The following CEP128 variants were observed in gnomAD, a reference collection of about 807,000 sequenced individuals.
CEP128 encodes centrosomal protein 128.
CEP128 carries 132 observed loss-of-function variants against 156.7 expected under a neutral mutation model. The ratio of observed to expected loss-of-function variants is 0.84; its 90% CI spans 0.73 to 0.97. CEP128 has a LOEUF of 0.97. Ranked by LOEUF, CEP128 falls within the 50% of genes least tolerant of loss-of-function variation. The probability of loss-of-function intolerance (pLI) is 0.00; values close to 1 mark genes in which losing one functional copy is unlikely to be tolerated. For missense variants in CEP128, 1,252 were observed against 1,281.9 expected (o/e 0.98, Z 0.36); for synonymous variants, 469 against 448.9 (o/e 1.04, Z -0.57).
rs58759716 is a variant in CEP128, at chr14:80,633,228, G to GAAACAAACAAAC, written c.2807-52817_2807-52806dup. On this transcript the variant is annotated intron_variant, in intron 19 of 24. Coordinates refer to ENST00000555265, the MANE Select transcript of CEP128 (RefSeq NM_152446.5). ...GGGTGCCAGAGTTAGACCCTGCCTA[G>GAAACAAACAAAC]AAACAAACAAACAAACAAACAAAAA... 2.7e-5 allele frequency among the ~76,000 whole-genome samples: 4 copies of GAAACAAACAAAC among 150,558 alleles called. No individual in the cohort carries two copies. The South Asian group carries it at 8.5e-4, about 32-fold the overall frequency.
chr14:80,952,077 C>A (rs1886478478), intron 2 of CEP128, among the ~76,000 whole-genome samples: 1 of 151,964 alleles, frequency 6.6e-6, no homozygotes, highest in East Asian at 1.9e-4. Flanking sequence ...ATTTCAGTAC[C>A]CATGTCTCAA....
At chr14:80,756,478 G>A (rs1423199024) in intron 18 of CEP128, among the ~76,000 whole-genome samples, 1 of 152,074 alleles carries the variant, frequency 6.6e-6, no homozygotes, top group Admixed American at 6.6e-5. Flanking sequence ...CTAACTAACT[G>A]GAGAACTACA....
At chr14:80,895,683 T>G in intron 8 of CEP128, 35 bp downstream of exon 8, 1 of 1,447,178 alleles carries the variant, frequency 6.9e-7, no homozygotes, top group Admixed American at 2.3e-5. Flanking sequence ...CCTCTACATG[T>G]GAAATAAAAC....
intron 13 of CEP128, among the ~76,000 whole-genome samples, chr14:80,815,229 T>C (rs1165599977): frequency 6.6e-6 from 1 of 152,078 alleles, no homozygotes; most frequent in Non-Finnish European, 1.5e-5. Context: ...ACAATAATAA[T>C]AATAAGTTCA....
At chr14:80,659,456 A>G (rs1301320565) in intron 19 of CEP128, among the ~76,000 whole-genome samples, 1 of 152,202 alleles carries the variant, frequency 6.6e-6, no homozygotes, top group African/African-American at 2.4e-5. Flanking sequence ...TAAATGAATA[A>G]AGACACGCAT....
At chr14:80,596,845 TGG>T (rs371897566) in intron 19 of CEP128, among the ~76,000 whole-genome samples, 4 of 73,152 alleles carry the variant, frequency 5.5e-5, no homozygotes, top group African/African-American at 2.2e-4. Context: ...AAAAAAAAGG[TGG>T]GGGGGGGAGG....
At chr14:80,690,241 T>C (rs1363843946) in intron 19 of CEP128, among the ~76,000 whole-genome samples, 2 of 135,836 alleles carry the variant, frequency 1.5e-5, no homozygotes, top group Non-Finnish European at 3.1e-5. Flanking sequence ...ACCCTGTCTC[T>C]ATTAAAAAAA....
intron 18 of CEP128, 63 bp downstream of exon 18, chr14:80,756,827 AAC>A: frequency 9.1e-7 from 1 of 1,096,752 alleles, no homozygotes; most frequent in Non-Finnish European, 1.4e-6. Flanking sequence ...TAAATAGCTA[AAC>A]CAAATAGGAT....
intron 9 of CEP128, among the ~76,000 whole-genome samples, chr14:80,841,168 C>A (rs1886332332): frequency 6.6e-6 from 1 of 151,994 alleles, no homozygotes; most frequent in African/African-American, 2.4e-5. Context: ...TATGTTAGAA[C>A]AAAATTAAAC....
At chr14:80,788,444 C>G (rs1358745980) in intron 14 of CEP128, among the ~76,000 whole-genome samples, 1 of 151,888 alleles carries the variant, frequency 6.6e-6, no homozygotes, top group Non-Finnish European at 1.5e-5. Context: ...TTCAGGCTCC[C>G]CACCTTAAAC....
At chr14:80,525,841 T>A (rs914574268) in intron 23 of CEP128, among the ~76,000 whole-genome samples, 1 of 152,230 alleles carries the variant, frequency 6.6e-6, no homozygotes, top group East Asian at 1.9e-4. Context: ...ACTGTCTTTA[T>A]ATCCACTGAG....
intron 9 of CEP128, among the ~76,000 whole-genome samples, chr14:80,846,417 C>T (rs762352488): frequency 1.0e-4 from 15 of 150,580 alleles, no homozygotes; most frequent in Non-Finnish European, 1.5e-4. Context: ...TGAATATAAT[C>T]TCAATAGTTA....
chr14:80,751,596 A>C (rs1595346407), intron 18 of CEP128, among the ~76,000 whole-genome samples: 2 of 152,248 alleles, frequency 1.3e-5, no homozygotes, highest in South Asian at 4.1e-4. Context: ...GTATTGCTAA[A>C]TAAACCAAAA....
intron 19 of CEP128, among the ~76,000 whole-genome samples, chr14:80,581,460 G>T (rs1891590098): frequency 6.6e-6 from 1 of 152,188 alleles, no homozygotes; most frequent in African/African-American, 2.4e-5. Flanking sequence ...TCATGCTGGT[G>T]TGTTGTAACT....
chr14:80,853,656 T>A (rs367712388), intron 9 of CEP128, among the ~76,000 whole-genome samples: 27 of 152,110 alleles, frequency 1.8e-4, no homozygotes, highest in Middle Eastern at 3.4e-3. Context: ...TCTCTTTAAA[T>A]TAGTCTGTAC....
intron 21 of CEP128, among the ~76,000 whole-genome samples, chr14:80,535,225 A>G (rs1889429950): frequency 6.6e-6 from 1 of 152,264 alleles, no homozygotes; most frequent in South Asian, 2.1e-4. Flanking sequence ...CATTATACAG[A>G]TAAGGCAATT....
intron 19 of CEP128, among the ~76,000 whole-genome samples, chr14:80,738,779 C>T (rs189726573): frequency 3.5e-4 from 54 of 152,178 alleles, no homozygotes; most frequent in Non-Finnish European, 1.5e-5. Context: ...TAGGAAAAAA[C>T]AGTTCATATA....
rs185337337 is a variant in CEP128, at chr14:80,922,640, A to G, written c.-15-6078T>C. 4.6e-5 allele frequency among the ~76,000 whole-genome samples: 7 copies of G among 152,362 alleles called. No homozygotes were observed. The East Asian group carries it at 1.3e-3, about 29-fold the overall frequency. On this transcript the variant is annotated intron_variant, in intron 2 of 24. Coordinates refer to ENST00000555265, the MANE Select transcript of CEP128 (RefSeq NM_152446.5). ...TAATCACTATTATAATTTGAAGCGC[A>G]AAGACGAATTATTAAGAGTAGAAGA...
At chr14:80,513,602 G>C (rs1368890519) in intron 23 of CEP128, among the ~76,000 whole-genome samples, 1 of 152,060 alleles carries the variant, frequency 6.6e-6, no homozygotes, top group Non-Finnish European at 1.5e-5. Context: ...AAAAACTCTT[G>C]TGTCTGTCCT....
Sources: gnomAD v4.1 joint callset for allele counts (sites outside exome capture counted in the v4.1 genomes callset) on GRCh38, gnomAD v4.1.1 for gene constraint, MANE v1.5 for transcripts, NCBI Gene and HGNC (gene_info 2026-07-23, HGNC 2026-07-21) for gene names.